NTRK3: variants seen among roughly 807,000 people sequenced by gnomAD.
NTRK3 encodes neurotrophic receptor tyrosine kinase 3.
NTRK3 carries 24 observed loss-of-function variants against 91.7 expected under a neutral mutation model. The ratio of observed to expected loss-of-function variants is 0.26; its 90% CI spans 0.19 to 0.37. The LOEUF is 0.37. Among genes scored for constraint, NTRK3 ranks in the 10% least tolerant of loss-of-function variants. The pLI is 1.00. For synonymous variants in NTRK3, 483 were observed against 404.0 expected, an observed-to-expected ratio of 1.20 and a Z score of -2.34; for missense variants, 880 against 1,068.9, an observed-to-expected ratio of 0.82 and a Z score of 2.46.
intron 3 of NTRK3, among the ~76,000 whole-genome samples, chr15:88,249,423 A>C (rs573751159): frequency 3.4e-4 from 52 of 152,250 alleles, no homozygotes; most frequent in African/African-American, 1.2e-3. Flanking sequence ...GGCTTTGACA[A>C]AGTGCCCAGA....
chr15:88,024,714 G>C (rs909253097), intron 14 of NTRK3, among the ~76,000 whole-genome samples: 15 of 152,190 alleles, frequency 9.9e-5, no homozygotes, highest in African/African-American at 3.4e-4. Flanking sequence ...GCTTGAAAGT[G>C]ACATGTAGGG....
chr15:87,957,303 C>CT (rs1313778798), intron 14 of NTRK3, among the ~76,000 whole-genome samples: 1 of 152,174 alleles, frequency 6.6e-6, no homozygotes, highest in Non-Finnish European at 1.5e-5. Flanking sequence ...TGGCAATTGT[C>CT]TTCATATAAT....
intron 10 of NTRK3, among the ~76,000 whole-genome samples, chr15:88,130,071 C>T (rs2053656723): frequency 6.6e-6 from 1 of 152,162 alleles, no homozygotes; most frequent in African/African-American, 2.4e-5. Context: ...ACCATCCCTG[C>T]CAACACCTTT....
intron 15 of NTRK3, among the ~76,000 whole-genome samples, chr15:87,937,323 T>C (rs900950416): frequency 2.6e-5 from 4 of 152,184 alleles, no homozygotes; most frequent in Non-Finnish European, 5.9e-5. Context: ...TGAATGTAGA[T>C]TGGAGAGTTT....
chr15:87,975,453 G>C (rs1223459880), intron 14 of NTRK3, among the ~76,000 whole-genome samples: 1 of 152,186 alleles, frequency 6.6e-6, no homozygotes, highest in Non-Finnish European at 1.5e-5. Flanking sequence ...GTAAGCTTAA[G>C]GTCTGACAAA....
chr15:88,002,179 T>TG (rs1313513668), intron 14 of NTRK3, among the ~76,000 whole-genome samples: 1 of 146,514 alleles, frequency 6.8e-6, no homozygotes, highest in African/African-American at 2.5e-5. Flanking sequence ...TTTTTTTTTT[T>TG]TTTTTTTTTT....
chr15:88,082,397 G>A (rs1282257711), intron 13 of NTRK3, among the ~76,000 whole-genome samples: 2 of 152,128 alleles, frequency 1.3e-5, no homozygotes, highest in African/African-American at 2.4e-5. Context: ...TGCAATGAGT[G>A]CTGATCTGAA....
rs375818260 is a variant in NTRK3, at chr15:87,880,460, T to A, written c.2134-32A>T. On this transcript the variant is annotated intron_variant, in intron 17 of 18. Transcript: ENST00000394480. ...GGGGTTGAGATAGAGGCACACAGAG[T>A]GACCAGATGGCCAGAATGAGTGTTA... The A allele has an allele frequency of 1.2e-5, 20 of 1,610,908 alleles. No homozygotes were observed. In the Admixed American group the frequency reaches 3.0e-4, roughly 24 times the overall value.
At chr15:87,908,074 A>G (rs1425107346) in intron 17 of NTRK3, among the ~76,000 whole-genome samples, 1 of 152,136 alleles carries the variant, frequency 6.6e-6, no homozygotes, top group Non-Finnish European at 1.5e-5. Flanking sequence ...TATGGAGTGT[A>G]AGCACCCAAA....
At chr15:88,004,136 C>G (rs1304289910) in intron 14 of NTRK3, among the ~76,000 whole-genome samples, 1 of 152,138 alleles carries the variant, frequency 6.6e-6, no homozygotes, top group African/African-American at 2.4e-5. Context: ...CCTCCTCCAC[C>G]TGGTGGAGCT....
intron 13 of NTRK3, among the ~76,000 whole-genome samples, chr15:88,033,537 C>T (rs183488191): frequency 1.2e-3 from 175 of 152,100 alleles, no homozygotes; most frequent in African/African-American, 4.1e-3. Flanking sequence ...TCTCAAACTC[C>T]TGACCTCAAG....
intron 5 of NTRK3, among the ~76,000 whole-genome samples, chr15:88,157,732 A>C (rs1306700615): frequency 6.6e-6 from 1 of 151,942 alleles, no homozygotes; most frequent in East Asian, 1.9e-4. Flanking sequence ...TTGGGAGAGG[A>C]GATAACTTGT....
chr15:88,219,345 C>G (rs1417228814), intron 3 of NTRK3, among the ~76,000 whole-genome samples: 1 of 152,232 alleles, frequency 6.6e-6, no homozygotes. Context: ...TGACAGCCCC[C>G]TGAAACCCAC....
chr15:87,947,699 G>A (rs554863826), intron 14 of NTRK3, among the ~76,000 whole-genome samples: 13 of 152,160 alleles, frequency 8.5e-5, no homozygotes, highest in Non-Finnish European at 1.6e-4. Flanking sequence ...GAGAGAAGGG[G>A]GAAGAGAAAA....
chr15:88,247,990 G>T (rs912946008), intron 3 of NTRK3, among the ~76,000 whole-genome samples: 17 of 152,160 alleles, frequency 1.1e-4, no homozygotes, highest in African/African-American at 4.1e-4. Context: ...ACCCAGAAAT[G>T]CTCCTGGCAC....
At chr15:88,082,522 A>G (rs75332124) in intron 13 of NTRK3, among the ~76,000 whole-genome samples, 4,654 of 152,236 alleles carry the variant, frequency 0.031, 229 homozygotes, top group African/African-American at 0.1. Context: ...TCACCCAATC[A>G]TTATCAGAAA....
intron 6 of NTRK3, among the ~76,000 whole-genome samples, 188 bp from the exon 7 acceptor site, chr15:88,137,749 A>AT (rs1279635729): frequency 6.6e-6 from 1 of 152,146 alleles, no homozygotes; most frequent in Non-Finnish European, 1.5e-5. Context: ...CAATAAACTC[A>AT]TTTTTTTAAA....
chr15:87,880,220 G>C (rs2141464560), intron 18 of NTRK3, 50 bp downstream of exon 19: 2 of 1,611,104 alleles, frequency 1.2e-6, no homozygotes, highest in Non-Finnish European at 1.7e-6. Flanking sequence ...GGCTGAGATA[G>C]CTCTTATGAG....
chr15:88,051,125 C>A (rs1053463424), intron 13 of NTRK3, among the ~76,000 whole-genome samples: 2 of 152,184 alleles, frequency 1.3e-5, no homozygotes, highest in African/African-American at 4.8e-5. Context: ...TAAAAGTACA[C>A]GTCTGCTGTT....
Sources: allele counts gnomAD v4.1 joint callset (sites outside exome capture counted in the v4.1 genomes callset), GRCh38; gene constraint gnomAD v4.1.1; transcripts MANE v1.5; gene names NCBI Gene and HGNC (gene_info 2026-07-23, HGNC 2026-07-21).